Variants in ZFHX3 observed in about 807,000 individuals in gnomAD.
The protein encoded by ZFHX3 is zinc finger homeobox 3.
ZFHX3 carries 42 observed loss-of-function variants against 279.1 expected under a neutral mutation model. The observed-to-expected ratio is 0.15, with a 90% CI of 0.12 to 0.19. ZFHX3 has a LOEUF of 0.19. Ranked by LOEUF, ZFHX3 falls within the 10% of genes least tolerant of loss-of-function variation. The probability of loss-of-function intolerance (pLI) is 1.00; values close to 1 mark genes in which losing one functional copy is unlikely to be tolerated. For synonymous variants in ZFHX3, 2,293 were observed against 1,957.8 expected (o/e 1.17, Z -4.52); for missense variants, 4,981 against 4,754.0 (o/e 1.05, Z -1.40).
At chr16:72,933,443 T>A (rs989489238) in intron 3 of ZFHX3, among the ~76,000 whole-genome samples, 1 of 152,032 alleles carries the variant, frequency 6.6e-6, no homozygotes, top group Non-Finnish European at 1.5e-5. Flanking sequence ...TACCCTCACA[T>A]TGCATTATGA....
intron 2 of ZFHX3, among the ~76,000 whole-genome samples, chr16:73,461,190 T>A (rs912431858): frequency 1.3e-5 from 2 of 152,202 alleles, no homozygotes; most frequent in Non-Finnish European, 2.9e-5. Context: ...TCATTTGCCA[T>A]TTGTGTACCA....
At chr16:73,566,470 C>T (rs935330636) in intron 2 of ZFHX3, among the ~76,000 whole-genome samples, 11 of 152,160 alleles carry the variant, frequency 7.2e-5, no homozygotes, top group Non-Finnish European at 1.2e-4. Flanking sequence ...GAATTCATTC[C>T]ATGCCACACT....
chr16:73,094,868 T>C (rs1352688250), intron 7 of ZFHX3, among the ~76,000 whole-genome samples: 1 of 152,052 alleles, frequency 6.6e-6, no homozygotes, highest in Non-Finnish European at 1.5e-5. Context: ...CACCGTCATG[T>C]CCGGCTAATT....
intron 4 of ZFHX3, among the ~76,000 whole-genome samples, chr16:73,313,641 A>G (rs919133725): frequency 2.6e-5 from 4 of 152,196 alleles, no homozygotes; most frequent in African/African-American, 9.6e-5. Flanking sequence ...ATTAGTAACA[A>G]TAGAACTAGG....
At chr16:73,117,405 A>G (rs1413452572) in intron 7 of ZFHX3, among the ~76,000 whole-genome samples, 1 of 152,248 alleles carries the variant, frequency 6.6e-6, no homozygotes, top group African/African-American at 2.4e-5. Context: ...GTCATGGCCA[A>G]AAAATTTGAA....
chr16:73,602,775 T>C (rs1406294482), intron 2 of ZFHX3, among the ~76,000 whole-genome samples: 1 of 148,510 alleles, frequency 6.7e-6, no homozygotes, highest in Non-Finnish European at 1.5e-5. Flanking sequence ...TGAAACCCCA[T>C]CTCTACTAAA....
chr16:73,037,804 C>T (rs1338824375), intron 1 of ZFHX3, among the ~76,000 whole-genome samples: 1 of 152,078 alleles, frequency 6.6e-6, no homozygotes, highest in Non-Finnish European at 1.5e-5. Context: ...CCCATGTCCC[C>T]CACCCACCCA....
intron 5 of ZFHX3, among the ~76,000 whole-genome samples, chr16:73,169,594 G>A (rs7499866): frequency 0.28 from 42,463 of 151,670 alleles, 6,356 homozygotes; most frequent in East Asian, 0.41. Flanking sequence ...GCGAGGCAGA[G>A]GTTGCAGTGA....
chr16:73,409,084 G>T (rs1337529719), intron 3 of ZFHX3, among the ~76,000 whole-genome samples: 1 of 152,154 alleles, frequency 6.6e-6, no homozygotes. Context: ...AAGTAGAAGT[G>T]TTAACTTATC....
At chr16:73,260,300 T>C (rs1172253090) in intron 4 of ZFHX3, among the ~76,000 whole-genome samples, 2 of 152,236 alleles carry the variant, frequency 1.3e-5, no homozygotes, top group Non-Finnish European at 2.9e-5. Flanking sequence ...GAGTGGTGTC[T>C]GCTAGGTTTC....
rs1597221966 is a variant in ZFHX3, at chr16:72,787,625, C to T, written c.10651G>A (p.Ala3551Thr). 1 of 1,613,142 alleles carries T rather than the reference C, an allele frequency of 6.2e-7. No homozygotes were observed. The highest frequency in any genetic ancestry group is 8.5e-7 in the Non-Finnish European group (1 of 1,179,538). ...EEALSQHLES[A>T]LHKHRTITRA... ...GTGATTGTTCTGTGTTTGTGCAAGG[C>T]CGACTCGAGATGTTGACTCAGAGCT... Residue 3551 changes from alanine to threonine, a missense_variant, in exon 10 of 10, where the codon GCC (alanine) becomes ACC (threonine). Around this residue, in one of 7 missense-constraint regions of ZFHX3, gnomAD observed 1,034 missense variants for 786.0 expected, o/e 1.32. Coordinates refer to ENST00000268489, the MANE Select transcript of ZFHX3 (RefSeq NM_006885.4).
intron 5 of ZFHX3, among the ~76,000 whole-genome samples, chr16:73,164,253 G>C (rs777804436): frequency 2.0e-5 from 3 of 152,220 alleles, no homozygotes; most frequent in Non-Finnish European, 4.4e-5. Flanking sequence ...TGGGTTGACT[G>C]TGGGTCTGGA....
intron 1 of ZFHX3, among the ~76,000 whole-genome samples, chr16:73,045,670 T>C (rs1424069824): frequency 2.1e-5 from 3 of 143,308 alleles, no homozygotes; most frequent in African/African-American, 7.5e-5. Context: ...TTATTATTAT[T>C]ATTATTATTA....
At chr16:73,685,705 T>C (rs2053075540) in intron 1 of ZFHX3, among the ~76,000 whole-genome samples, 1 of 152,210 alleles carries the variant, frequency 6.6e-6, no homozygotes, top group Non-Finnish European at 1.5e-5. Context: ...ATGAGCCTAT[T>C]ATGTAATAAT....
At chr16:73,675,209 T>C (rs2052942557) in intron 2 of ZFHX3, among the ~76,000 whole-genome samples, 1 of 152,018 alleles carries the variant, frequency 6.6e-6, no homozygotes, top group Non-Finnish European at 1.5e-5. Flanking sequence ...GCAAAGACAG[T>C]ATTAAAGCCA....
chr16:73,272,488 C>G (rs955873997), intron 4 of ZFHX3, among the ~76,000 whole-genome samples: 1 of 152,112 alleles, frequency 6.6e-6, no homozygotes, highest in Non-Finnish European at 1.5e-5. Flanking sequence ...AAGAGAAAAT[C>G]TTTCAGTTCC....
chr16:73,042,671 C>T (rs931827056), intron 1 of ZFHX3, among the ~76,000 whole-genome samples: 8 of 151,992 alleles, frequency 5.3e-5, no homozygotes, highest in Non-Finnish European at 1.2e-4. Context: ...AAGCATCGGG[C>T]GAGGGGTCTC....
At chr16:72,804,869 G>A (rs960289061) in intron 7 of ZFHX3, among the ~76,000 whole-genome samples, 2 of 152,184 alleles carry the variant, frequency 1.3e-5, no homozygotes, top group African/African-American at 4.8e-5. Flanking sequence ...TTATGGGACC[G>A]TTCATGCCAA....
intron 1 of ZFHX3, among the ~76,000 whole-genome samples, chr16:73,709,729 T>A (rs1350637651): frequency 6.6e-6 from 1 of 152,102 alleles, no homozygotes; most frequent in East Asian, 1.9e-4. Context: ...ACAGTAACAA[T>A]GTACTGTATC....
Sources: allele counts gnomAD v4.1 joint callset (sites outside exome capture counted in the v4.1 genomes callset), GRCh38; gene constraint gnomAD v4.1.1; regional missense constraint gnomAD v4.1.1; transcripts MANE v1.5; gene names NCBI Gene and HGNC (gene_info 2026-07-23, HGNC 2026-07-21).